SLC44A1: variants seen among roughly 807,000 people sequenced by gnomAD.
The protein encoded by SLC44A1 is solute carrier family 44 member 1, also known as choline transporter-like protein 1.
Under a neutral mutation model 79.3 loss-of-function variants are expected in SLC44A1, and 26 were observed. That is an observed-to-expected ratio of 0.33 (90% CI 0.24 to 0.46). SLC44A1 has a LOEUF of 0.46. SLC44A1 is among the 20% of genes least tolerant of loss of function. The probability of loss-of-function intolerance (pLI) is 1.00; values close to 1 mark genes in which losing one functional copy is unlikely to be tolerated. For missense variants in SLC44A1, 688 were observed against 798.1 expected (o/e 0.86, Z 1.66); for synonymous variants, 263 against 286.2 (o/e 0.92, Z 0.82).
chr9:105,383,382 C>A (rs1309157807), intron 14 of SLC44A1, 23 bp downstream of exon 14: 5 of 1,313,822 alleles, frequency 3.8e-6, no homozygotes, highest in Non-Finnish European at 5.5e-6. Flanking sequence ...AATGCCGTTT[C>A]CTATTTTAGG....
At chr9:105,330,702 C>G (rs944169401) in intron 3 of SLC44A1, among the ~76,000 whole-genome samples, 16 of 152,184 alleles carry the variant, frequency 1.1e-4, no homozygotes, top group African/African-American at 3.9e-4. Flanking sequence ...TCAGACATCT[C>G]TCCTTTTCCT....
intron 5 of SLC44A1, among the ~76,000 whole-genome samples, chr9:105,354,058 T>C (rs1312618951): frequency 1.6e-5 from 2 of 128,512 alleles, no homozygotes; most frequent in Non-Finnish European, 3.3e-5. Context: ...TTTTTTTTTT[T>C]TTTTTTTTTT....
Position 105,389,096 on chromosome 9 carries a change from A to G in SLC44A1, c.*40A>G, listed in dbSNP as rs1828700407. The G allele has an allele frequency of 6.2e-7, 1 of 1,611,230 alleles. No individual in the cohort carries two copies. Among genetic ancestry groups the G allele is most frequent in the Non-Finnish European group, 8.5e-7 (1 of 1,177,978 alleles). On this transcript the variant is annotated 3_prime_UTR_variant, in exon 16 of 16. Coordinates refer to ENST00000374720, the MANE Select transcript of SLC44A1 (RefSeq NM_080546.5). The stretch of plus-strand genomic sequence containing the variant: ...TATGGAAACCCATTGACATTCCAAA[A>G]CAATATATACACATAACTATGTATT...
At chr9:105,386,400 CT>C in intron 15 of SLC44A1, 1 of 979,026 alleles carries the variant, frequency 1.0e-6, no homozygotes, top group Non-Finnish European at 1.2e-6. Context: ...AATGTGTCCC[CT>C]GACTGCATAT....
intron 9 of SLC44A1, among the ~76,000 whole-genome samples, chr9:105,363,518 G>T (rs1018746084): frequency 6.6e-6 from 1 of 151,464 alleles, no homozygotes. Context: ...AAACTGGAGT[G>T]CAGTGGTGTG....
intron 11 of SLC44A1, among the ~76,000 whole-genome samples, 156 bp from the exon 12 acceptor site, chr9:105,366,190 G>A (rs1340952056): frequency 1.3e-5 from 2 of 152,118 alleles, no homozygotes; most frequent in Non-Finnish European, 2.9e-5. Flanking sequence ...AAATAATTCA[G>A]TCATTATGTT....
rs372774326 is a variant in SLC44A1, at chr9:105,348,741, C to T, written c.500+290C>T. 4.9e-4 allele frequency among the ~76,000 whole-genome samples: 74 copies of T among 152,108 alleles called. 2 individuals carry two copies. The East Asian group carries it at 0.012, about 25-fold the overall frequency. ...TGCCATAATTTTTAAGTGCACAAAA[C>T]CACTGAACTGCTGTAAAATCTGCAA... On this transcript the variant is annotated intron_variant, in intron 5 of 15. Coordinates refer to ENST00000374720, the MANE Select transcript of SLC44A1 (RefSeq NM_080546.5).
intron 1 of SLC44A1, among the ~76,000 whole-genome samples, chr9:105,273,895 A>G (rs142254842): frequency 7.4e-4 from 113 of 152,190 alleles, no homozygotes; most frequent in African/African-American, 2.5e-3. Flanking sequence ...CAGCATTTCT[A>G]AGTTGCAAGG....
chr9:105,365,812 G>C (rs1267823242), intron 11 of SLC44A1, among the ~76,000 whole-genome samples, 173 bp downstream of exon 11: 1 of 152,136 alleles, frequency 6.6e-6, no homozygotes, highest in Non-Finnish European at 1.5e-5. Flanking sequence ...CATATGCTCT[G>C]GCAAAATTCA....
At chr9:105,313,494 G>C (rs1292170806) in intron 3 of SLC44A1, among the ~76,000 whole-genome samples, 1 of 152,156 alleles carries the variant, frequency 6.6e-6, no homozygotes, top group African/African-American at 2.4e-5. Flanking sequence ...GGCTCAGTGA[G>C]GGGAGGTTCC....
intron 7 of SLC44A1, among the ~76,000 whole-genome samples, chr9:105,358,713 T>A (rs773517607): frequency 9.8e-5 from 15 of 152,306 alleles, no homozygotes; most frequent in Admixed American, 6.5e-5. Flanking sequence ...TGGAATTTGT[T>A]CTCATTACAT....
Position 105,396,981 on chromosome 9 carries a change from G to A in SLC44A1, c.*7925G>A, listed in dbSNP as rs945236054. ...AGTTGTAGCCCTAGTATTTGTGACG[G>A]TCATTATTGACACAGTGCAGACTTT... is the stretch of plus-strand genomic sequence containing the variant. On this transcript the variant is annotated 3_prime_UTR_variant, in exon 16 of 16. Coordinates refer to ENST00000374720, the MANE Select transcript of SLC44A1 (RefSeq NM_080546.5). 2.6e-5 allele frequency: 26 copies of A among 985,326 alleles called. No individual in the cohort carries two copies. In the African/African-American group the frequency reaches 4.0e-4, roughly 15 times the overall value. 61.0% of individuals were successfully genotyped at this position (985,326 alleles called of 1,614,324 possible). A position where few individuals can be genotyped will look rare whatever the true frequency, so the allele number is the denominator to read the frequency against.
At chr9:105,332,650 T>C (rs1284227207) in intron 3 of SLC44A1, among the ~76,000 whole-genome samples, 1 of 152,186 alleles carries the variant, frequency 6.6e-6, no homozygotes, top group Non-Finnish European at 1.5e-5. Flanking sequence ...GCTGGATCTG[T>C]TTTGGGGGCC....
rs1831350853 is a variant in SLC44A1 at position 105,317,181 on chromosome 9, C to T, written c.269+7315C>T. Among the ~76,000 whole-genome samples the T allele has an allele frequency of 2.6e-5, 4 of 152,218 alleles. No individual in the cohort carries two copies. In the South Asian group the frequency reaches 8.3e-4, roughly 32 times the overall value. ...ATATTCTATAGCATATATTCTATGG[C>T]TCATGACTCCCATCCTCCAGCAAAA... On this transcript the variant is annotated intron_variant, in intron 3 of 15. Coordinates refer to ENST00000374720, the MANE Select transcript of SLC44A1 (RefSeq NM_080546.5).
intron 15 of SLC44A1, among the ~76,000 whole-genome samples, chr9:105,422,248 C>G (rs1829262097): frequency 6.7e-6 from 1 of 150,292 alleles, no homozygotes; most frequent in Non-Finnish European, 1.5e-5. Flanking sequence ...TGATGCAGGA[C>G]TCCTGCCCTG....
At chr9:105,315,374 T>C (rs967139431) in intron 3 of SLC44A1, among the ~76,000 whole-genome samples, 4 of 152,098 alleles carry the variant, frequency 2.6e-5, no homozygotes, top group African/African-American at 9.7e-5. Flanking sequence ...ATTGATTGTT[T>C]AATAAACAGT....
chr9:105,388,671 C>T (rs1171890668), intron 15 of SLC44A1, among the ~76,000 whole-genome samples: 1 of 152,052 alleles, frequency 6.6e-6, no homozygotes, highest in Non-Finnish European at 1.5e-5. Context: ...TTTTATGATT[C>T]TCTGAAAGTG....
intron 1 of SLC44A1, among the ~76,000 whole-genome samples, chr9:105,269,367 G>T (rs1830030589): frequency 6.6e-6 from 1 of 152,124 alleles, no homozygotes; most frequent in Non-Finnish European, 1.5e-5. Context: ...CATTCTGGCA[G>T]TTTCCTATAC....
chr9:105,428,620 A>G (rs1199981751), intron 15 of SLC44A1, among the ~76,000 whole-genome samples: 1 of 152,250 alleles, frequency 6.6e-6, no homozygotes, highest in Admixed American at 6.5e-5. Flanking sequence ...AACAGTCAGC[A>G]TGGGCTGTGC....
Sources: allele counts gnomAD v4.1 joint callset (sites outside exome capture counted in the v4.1 genomes callset), GRCh38; gene constraint gnomAD v4.1.1; transcripts MANE v1.5; gene names NCBI Gene and HGNC (gene_info 2026-07-23, HGNC 2026-07-21).